Variants in PARPBP observed in about 807,000 individuals in gnomAD.
PARPBP encodes the protein PARP1 binding protein, also known as PCNA-interacting partner.
A neutral mutation model predicts 50.0 loss-of-function variants in PARPBP; 52 were observed. The ratio of observed to expected loss-of-function variants is 1.04; its 90% CI spans 0.83 to 1.31. The LOEUF (loss-of-function observed/expected upper bound fraction) is 1.31. PARPBP is among the 50% of genes most tolerant of loss of function. The probability of loss-of-function intolerance (pLI) is 0.00; values close to 1 mark genes in which losing one functional copy is unlikely to be tolerated. For missense variants in PARPBP, 697 were observed against 672.0 expected, an observed-to-expected ratio of 1.04 and a Z score of -0.41; for synonymous variants, 244 against 232.1, an observed-to-expected ratio of 1.05 and a Z score of -0.47.
chr12:102,123,799 T>C (rs1454276809), intron 1 of PARPBP, 87 bp from the exon 2 acceptor site: 1 of 782,032 alleles, frequency 1.3e-6, no homozygotes, highest in African/African-American at 1.8e-5. Flanking sequence ...TATATGTTTT[T>C]CTCTATCTGT....
intron 2 of PARPBP, among the ~76,000 whole-genome samples, chr12:102,128,211 T>C (rs1266313951): frequency 1.3e-5 from 2 of 151,930 alleles, no homozygotes; most frequent in Non-Finnish European, 2.9e-5. Flanking sequence ...GTAACCATCA[T>C]TGTCTTTCTA....
In PARPBP at chr12:102,164,345, T is replaced by G. The variant is rs538046785; in HGVS notation, c.496-93T>G. 8.0e-4 allele frequency: 721 copies of G among 897,212 alleles called. 1 individual carries two copies. Among genetic ancestry groups the G allele is most frequent in the Non-Finnish European group, 1.1e-3 (635 of 578,572 alleles). The allele number at this position is 897,212 out of a possible 1,614,324, so 55.6% of individuals were successfully genotyped here. ...AAAGAGTTAAGTGAGGTATTGTGAT[T>G]GAATGATTACATACATTTTTACTGC... On this transcript the variant is annotated intron_variant, in intron 4 of 10. Transcript: ENST00000327680.
intron 3 of PARPBP, among the ~76,000 whole-genome samples, chr12:102,152,577 C>G (rs1009399757): frequency 1.3e-5 from 2 of 152,076 alleles, no homozygotes; most frequent in African/African-American, 4.8e-5. Flanking sequence ...GCTGACAATT[C>G]AAGTTGTTCA....
At position 102,148,392 on chromosome 12, in the gene PARPBP, G is replaced by T; in HGVS notation, c.316G>T (p.Asp106Tyr). The T allele has an allele frequency of 1.9e-6, 3 of 1,580,320 alleles. No individual in the cohort carries two copies. The highest frequency in any genetic ancestry group is 1.7e-5 in the Admixed American group (1 of 59,614). The change falls in exon 3 of 11, where the codon GAT becomes TAT. Residue 106 changes from aspartate to tyrosine, a missense_variant. Asp to Tyr is a radical substitution (Grantham distance 160). Coordinates refer to ENST00000327680, the MANE Select transcript of PARPBP (RefSeq NM_017915.5). ...DDFLKNSNML[D>Y]LIDVYQKCRA... The stretch of plus-strand genomic sequence containing the variant: ...TTTCTTGAAGAACAGTAATATGTTA[G>T]ATCTGATTGATGTTTATCAAAAATG...
At chr12:102,122,947 CA>C (rs1282214995) in intron 1 of PARPBP, among the ~76,000 whole-genome samples, 1 of 152,130 alleles carries the variant, frequency 6.6e-6, no homozygotes, top group African/African-American at 2.4e-5. Context: ...CAAACCATTT[CA>C]AAAGTTAAGG....
At chr12:102,144,291 T>A (rs769408450) in intron 2 of PARPBP, among the ~76,000 whole-genome samples, 3 of 152,228 alleles carry the variant, frequency 2.0e-5, no homozygotes, top group African/African-American at 2.4e-5. Flanking sequence ...ATGTAACTCT[T>A]GATTTTCTCA....
chr12:102,140,774 T>G (rs1884456949), intron 2 of PARPBP, among the ~76,000 whole-genome samples: 2 of 152,248 alleles, frequency 1.3e-5, no homozygotes, highest in African/African-American at 4.8e-5. Context: ...TTGTTCAGTT[T>G]CCATGTAGTT....
chr12:102,195,239 T>A, intron 9 of PARPBP, 73 bp from the exon 10 acceptor site: 1 of 912,586 alleles, frequency 1.1e-6, no homozygotes, highest in Non-Finnish European at 1.7e-6. Flanking sequence ...TACTATAGAG[T>A]GTGTGTCTAT....
chr12:102,153,732 T>C, intron 3 of PARPBP, 137 bp from the exon 4 acceptor site: 1 of 576,388 alleles, frequency 1.7e-6, no homozygotes. Flanking sequence ...TTTAATTATA[T>C]GTATTCTTAA....
chr12:102,189,271 C>T (rs1890584052), intron 9 of PARPBP, among the ~76,000 whole-genome samples: 1 of 152,172 alleles, frequency 6.6e-6, no homozygotes, highest in Admixed American at 6.5e-5. Context: ...TACAAAATGT[C>T]CCATAGTCCT....
intron 6 of PARPBP, among the ~76,000 whole-genome samples, chr12:102,168,260 T>G (rs1490971231): frequency 6.6e-6 from 1 of 152,190 alleles, no homozygotes; most frequent in Non-Finnish European, 1.5e-5. Context: ...ACATTCCTTT[T>G]GGAGGAATTT....
chr12:102,173,029 A>G (rs1182071169), intron 6 of PARPBP, among the ~76,000 whole-genome samples: 3 of 152,204 alleles, frequency 2.0e-5, no homozygotes, highest in Non-Finnish European at 4.4e-5. Flanking sequence ...AAAATAATTA[A>G]TAATGTTGGA....
chr12:102,156,183 T>TTC (rs1402871478), intron 4 of PARPBP, among the ~76,000 whole-genome samples: 1 of 126,064 alleles, frequency 7.9e-6, no homozygotes, highest in Admixed American at 7.8e-5. Flanking sequence ...TTCCTTTTTT[T>TTC]TTTTTTTTTT....
At chr12:102,161,570 A>G (rs1459612056) in intron 4 of PARPBP, among the ~76,000 whole-genome samples, 2 of 152,208 alleles carry the variant, frequency 1.3e-5, no homozygotes. Flanking sequence ...GTTAGGATCT[A>G]AGGACAGATG....
At chr12:102,139,071 C>T (rs529169753) in intron 2 of PARPBP, among the ~76,000 whole-genome samples, 4 of 152,298 alleles carry the variant, frequency 2.6e-5, no homozygotes, top group Admixed American at 2.0e-4. Flanking sequence ...CTATAAATTA[C>T]CTTGGACAGT....
In PARPBP at chr12:102,175,501, A is replaced by G. The variant is rs1288529768; in HGVS notation, c.840A>G (p.Ile280Met). 8 of 1,612,990 alleles carry G rather than the reference A, an allele frequency of 5.0e-6. No homozygotes were observed. The Admixed American group carries it at 5.0e-5, about 10-fold the overall frequency. ...IPNPSIAGGQILSVIKMQLIK... is the reference protein window; with the variant it reads ...IPNPSIAGGQMLSVIKMQLIK... Reference sequence around the variant, plus strand: ...TTTTCAGCATTGCAGGGGGTCAAATACTGTCAGTGATAAAGATGCAACTGA... The same window carrying G: ...TTTTCAGCATTGCAGGGGGTCAAATGCTGTCAGTGATAAAGATGCAACTGA... The change falls in exon 7 of 11, where the codon ATA becomes ATG. Residue 280 changes from isoleucine (I) to methionine (M), a missense_variant. Physicochemically the swap from Ile to Met is conservative, Grantham distance 10. Coordinates refer to ENST00000327680, the MANE Select transcript of PARPBP (RefSeq NM_017915.5).
intron 5 of PARPBP, among the ~76,000 whole-genome samples, chr12:102,165,384 C>T (rs1888037048): frequency 6.6e-6 from 1 of 152,122 alleles, no homozygotes; most frequent in Non-Finnish European, 1.5e-5. Context: ...GTAACAATTT[C>T]AATAGCTAGT....
At chr12:102,150,603 C>T (rs529063130) in intron 3 of PARPBP, among the ~76,000 whole-genome samples, 2 of 152,232 alleles carry the variant, frequency 1.3e-5, no homozygotes, top group Non-Finnish European at 2.9e-5. Flanking sequence ...GATTCAGGGC[C>T]CATGGGCATC....
chr12:102,143,196 G>C (rs1049940786), intron 2 of PARPBP, among the ~76,000 whole-genome samples: 4 of 152,126 alleles, frequency 2.6e-5, no homozygotes, highest in African/African-American at 9.7e-5. Context: ...AATGGCAGAC[G>C]CCCCCCACCC....
Sources: gnomAD v4.1 joint callset for allele counts (sites outside exome capture counted in the v4.1 genomes callset) on GRCh38, gnomAD v4.1.1 for gene constraint, MANE v1.5 for transcripts, NCBI Gene and HGNC (gene_info 2026-07-23, HGNC 2026-07-21) for gene names.